Variants in TAFA2 observed in about 807,000 individuals in gnomAD.
The protein encoded by TAFA2 is chemokine-like protein TAFA-2.
Under a neutral mutation model 18.8 loss-of-function variants are expected in TAFA2, and 7 were observed. The observed-to-expected ratio is 0.37, with a 90% CI of 0.21 to 0.70. The LOEUF (loss-of-function observed/expected upper bound fraction) is 0.70, where lower values mean the gene tolerates loss of function less well. Among genes scored for constraint, TAFA2 ranks in the 30% least tolerant of loss-of-function variants. The pLI, the probability that TAFA2 is intolerant of heterozygous loss-of-function variation, is 0.53. For missense variants in TAFA2, 122 were observed against 158.1 expected, an observed-to-expected ratio of 0.77 and a Z score of 1.23; for synonymous variants, 60 against 54.2, an observed-to-expected ratio of 1.11 and a Z score of -0.47.
chr12:61,949,175 A>C (rs1242696093), intron 1 of TAFA2, among the ~76,000 whole-genome samples: 2 of 152,128 alleles, frequency 1.3e-5, no homozygotes, highest in Non-Finnish European at 2.9e-5. Context: ...TCAGTTGAAG[A>C]CCTGAATAGA....
At chr12:62,194,106 T>A (rs908669860), upstream of TAFA2, among the ~76,000 whole-genome samples, 5 of 152,178 alleles carry the variant, frequency 3.3e-5, no homozygotes, top group South Asian at 1.0e-3. Flanking sequence ...TCCACTTACA[T>A]AGTAACTTAT....
At chr12:61,885,601 C>T (rs1184342461) in intron 1 of TAFA2, among the ~76,000 whole-genome samples, 2 of 152,194 alleles carry the variant, frequency 1.3e-5, no homozygotes, top group Non-Finnish European at 2.9e-5. Flanking sequence ...TTCACCTTTG[C>T]TGTTTGCCTG....
At chr12:62,167,121 G>A (rs1023007504) in intron 1 of TAFA2, among the ~76,000 whole-genome samples, 2 of 151,726 alleles carry the variant, frequency 1.3e-5, no homozygotes, top group African/African-American at 4.8e-5. Context: ...AGTTATCTAA[G>A]GTATTGGACA....
chr12:62,187,472 T>C (rs748961893), intron 1 of TAFA2, among the ~76,000 whole-genome samples: 1 of 152,188 alleles, frequency 6.6e-6, no homozygotes, highest in Non-Finnish European at 1.5e-5. Flanking sequence ...GTATTTTACA[T>C]GGGTGTCATT....
intron 2 of TAFA2, among the ~76,000 whole-genome samples, chr12:61,759,730 A>G (rs2120783894): frequency 6.6e-6 from 1 of 152,182 alleles, no homozygotes; most frequent in East Asian, 1.9e-4. Context: ...ATGATATCCC[A>G]AAGCCCAAGT....
At position 61,927,717 on chromosome 12, in the gene TAFA2, A is replaced by C. The variant is rs184464956; in HGVS notation, c.-1-60291T>G. ...CGTATAGCCAAGACAATCCTAACCA[A>C]AAAGAACAAAGCTGGAGGCATCATG... On this transcript the variant is annotated intron_variant, in intron 1 of 4. Transcript: ENST00000416284. 2.6e-4 allele frequency among the ~76,000 whole-genome samples: 39 copies of C among 152,326 alleles called. No individual in the cohort carries two copies. The East Asian group carries it at 7.5e-3, about 29-fold the overall frequency.
At chr12:62,211,349 G>C (rs975694975) in intron 1 of TAFA2, among the ~76,000 whole-genome samples, 2 of 152,272 alleles carry the variant, frequency 1.3e-5, no homozygotes, top group South Asian at 4.1e-4. Flanking sequence ...GCAGGCCAAG[G>C]CAGGTGGATC....
chr12:61,789,252 C>T (rs961564783), intron 2 of TAFA2, among the ~76,000 whole-genome samples: 1 of 151,876 alleles, frequency 6.6e-6, no homozygotes, highest in Non-Finnish European at 1.5e-5. Context: ...CCTAGGTTTA[C>T]TTCTAGGGAT....
intron 1 of TAFA2, chr12:62,135,919 C>T (rs1279610706): frequency 1.3e-5 from 2 of 152,094 alleles, no homozygotes; most frequent in African/African-American, 4.8e-5. Flanking sequence ...AAATGCATGG[C>T]TTCTTCACCC....
At chr12:62,123,813 C>CACA (rs1555192145) in intron 1 of TAFA2, among the ~76,000 whole-genome samples, 1 of 147,846 alleles carries the variant, frequency 6.8e-6, no homozygotes, top group Non-Finnish European at 1.5e-5. Flanking sequence ...CACACACACA[C>CACA]CACCTTTTGA....
chr12:61,923,275 T>C (rs1877136266), intron 1 of TAFA2, among the ~76,000 whole-genome samples: 1 of 152,114 alleles, frequency 6.6e-6, no homozygotes, highest in Non-Finnish European at 1.5e-5. Flanking sequence ...GAGTCCCTGA[T>C]CCCCATACTT....
At position 62,217,076 on chromosome 12, in the gene TAFA2, G is replaced by C. The variant is rs565189982; in HGVS notation, c.-130+41687C>G. 4.6e-5 allele frequency among the ~76,000 whole-genome samples: 7 copies of C among 152,284 alleles called. No individual in the cohort carries two copies. The South Asian group carries it at 1.5e-3, about 32-fold the overall frequency. ...CCGCAAAAAGGGAAGCACCATGCCTGGTATTCTGGTATTCCTCTTTGGCTA... is the reference window on the plus strand; with the variant it reads ...CCGCAAAAAGGGAAGCACCATGCCTCGTATTCTGGTATTCCTCTTTGGCTA... On this transcript the variant is annotated intron_variant, in intron 1 of 5. Transcript: ENST00000551619.
At chr12:61,712,444 AAAAC>A (rs1869457644) in intron 4 of TAFA2, among the ~76,000 whole-genome samples, 1 of 152,194 alleles carries the variant, frequency 6.6e-6, no homozygotes, top group African/African-American at 2.4e-5. Context: ...TTATAAAACT[AAAAC>A]AATTTTTTTC....
chr12:62,112,784 T>G (rs533740888), intron 1 of TAFA2, among the ~76,000 whole-genome samples: 2 of 152,258 alleles, frequency 1.3e-5, no homozygotes, highest in South Asian at 4.2e-4. Context: ...GCTATTGATA[T>G]TTGTGTATGC....
At chr12:62,053,450 T>C (rs1882107953) in intron 1 of TAFA2, among the ~76,000 whole-genome samples, 1 of 152,152 alleles carries the variant, frequency 6.6e-6, no homozygotes, top group South Asian at 2.1e-4. Context: ...GTATGTAAAA[T>C]TGTTATATGA....
intron 2 of TAFA2, among the ~76,000 whole-genome samples, chr12:61,786,614 A>G (rs1229245618): frequency 1.3e-5 from 2 of 151,578 alleles, no homozygotes; most frequent in African/African-American, 4.8e-5. Flanking sequence ...GAACATGTTA[A>G]ACAGAAAAGT....
intron 1 of TAFA2, among the ~76,000 whole-genome samples, chr12:61,914,508 A>T (rs1278048006): frequency 6.6e-6 from 1 of 152,202 alleles, no homozygotes; most frequent in African/African-American, 2.4e-5. Flanking sequence ...CTGTAAACCT[A>T]ATTAAAATGA....
intron 2 of TAFA2, among the ~76,000 whole-genome samples, chr12:61,818,811 C>T (rs1872201084): frequency 6.6e-6 from 1 of 152,158 alleles, no homozygotes; most frequent in African/African-American, 2.4e-5. Flanking sequence ...TGTATGTCAA[C>T]TTTTATTTTA....
chr12:62,129,550 A>G (rs1340688521), intron 1 of TAFA2, among the ~76,000 whole-genome samples: 2 of 152,074 alleles, frequency 1.3e-5, no homozygotes, highest in Non-Finnish European at 2.9e-5. Flanking sequence ...ACACTGAAGC[A>G]CTGTAAGATG....
Sources: allele counts gnomAD v4.1 joint callset (sites outside exome capture counted in the v4.1 genomes callset), GRCh38; gene constraint gnomAD v4.1.1; transcripts MANE v1.5; gene names NCBI Gene and HGNC (gene_info 2026-07-23, HGNC 2026-07-21).